SORCS3: variants seen among roughly 807,000 people sequenced by gnomAD.
The protein encoded by SORCS3 is VPS10 domain-containing receptor SorCS3.
SORCS3 carries 57 observed loss-of-function variants against 146.3 expected under a neutral mutation model. The observed-to-expected ratio is 0.39, with a 90% CI of 0.31 to 0.49. The LOEUF (loss-of-function observed/expected upper bound fraction) is 0.49. SORCS3 is among the 20% of genes least tolerant of loss of function. SORCS3 has a pLI of 0.92. For missense variants in SORCS3, 1,341 were observed against 1,575.5 expected (o/e 0.85, Z 2.52); for synonymous variants, 653 against 618.5 (o/e 1.06, Z -0.83).
intron 5 of SORCS3, among the ~76,000 whole-genome samples, chr10:105,076,436 C>T (rs1038614481): frequency 1.3e-5 from 2 of 152,148 alleles, no homozygotes; most frequent in East Asian, 3.9e-4. Context: ...TTTAAGTCGT[C>T]TCTATGGCCT....
intron 1 of SORCS3, among the ~76,000 whole-genome samples, chr10:104,728,026 TCTA>T (rs2016661267): frequency 2.0e-4 from 5 of 25,580 alleles, no homozygotes; most frequent in South Asian, 9.2e-4. Context: ...AACAGTTCTA[TCTA>T]TCTATCTATC....
intron 2 of SORCS3, among the ~76,000 whole-genome samples, chr10:104,909,382 A>G (rs2133595639): frequency 6.6e-6 from 1 of 152,290 alleles, no homozygotes; most frequent in Admixed American, 6.5e-5. Context: ...ATGGCAACGC[A>G]GAAGTTGCTG....
At chr10:105,163,727 G>A (rs1002684234) in intron 11 of SORCS3, among the ~76,000 whole-genome samples, 1 of 152,168 alleles carries the variant, frequency 6.6e-6, no homozygotes, top group Non-Finnish European at 1.5e-5. Flanking sequence ...TTGCTGCCAT[G>A]CTTGATGGCC....
chr10:105,140,661 G>T (rs1169046211), intron 8 of SORCS3, among the ~76,000 whole-genome samples: 1 of 152,170 alleles, frequency 6.6e-6, no homozygotes, highest in Non-Finnish European at 1.5e-5. Flanking sequence ...GAAGCTGATA[G>T]AAAATATATG....
At chr10:104,648,169 G>A (rs1053546367) in intron 1 of SORCS3, among the ~76,000 whole-genome samples, 1 of 152,194 alleles carries the variant, frequency 6.6e-6, no homozygotes, top group Admixed American at 6.5e-5. Context: ...GGATCCCTGT[G>A]GGACATACTA....
At chr10:105,192,942 A>G (rs1306968466) in intron 14 of SORCS3, among the ~76,000 whole-genome samples, 1 of 152,236 alleles carries the variant, frequency 6.6e-6, no homozygotes, top group Non-Finnish European at 1.5e-5. Flanking sequence ...TACAGAGCCT[A>G]GTCCTCTAAT....
At chr10:104,669,077 T>A (rs1288505893) in intron 1 of SORCS3, among the ~76,000 whole-genome samples, 1 of 152,106 alleles carries the variant, frequency 6.6e-6, no homozygotes, top group Admixed American at 6.5e-5. Flanking sequence ...TCTGTGACTT[T>A]AGGAAGTCAG....
chr10:105,178,485 CT>C (rs2056422463), intron 14 of SORCS3, among the ~76,000 whole-genome samples: 1 of 151,972 alleles, frequency 6.6e-6, no homozygotes, highest in Non-Finnish European at 1.5e-5. Context: ...GTTTTTTTCT[CT>C]TTCCAAAACA....
intron 1 of SORCS3, among the ~76,000 whole-genome samples, chr10:104,752,279 G>T (rs1320723042): frequency 6.6e-6 from 1 of 151,564 alleles, no homozygotes; most frequent in African/African-American, 2.4e-5. Flanking sequence ...CAAGTGATTC[G>T]CCTGCCTCAG....
At chr10:105,232,694 G>T (rs139858996) in intron 20 of SORCS3, among the ~76,000 whole-genome samples, 1,510 of 149,988 alleles carry the variant, frequency 0.01, 12 homozygotes, top group Non-Finnish European at 0.014. Context: ...TACTGCTTTT[G>T]CTGCATCCCA....
chr10:105,167,494 TAC>T (rs1224637777), intron 13 of SORCS3, 145 bp downstream of exon 13: 1 of 616,396 alleles, frequency 1.6e-6, no homozygotes, highest in Non-Finnish European at 2.8e-6. Context: ...TAATAGCCTT[TAC>T]ATCATCTAAC....
chr10:105,192,532 G>A (rs1041599651), intron 14 of SORCS3, among the ~76,000 whole-genome samples: 8 of 152,124 alleles, frequency 5.3e-5, no homozygotes, highest in African/African-American at 1.7e-4. Context: ...GGGACAGTTG[G>A]TGGTTAGAAG....
chr10:104,730,472 C>T (rs1178669607), intron 1 of SORCS3, among the ~76,000 whole-genome samples: 1 of 152,202 alleles, frequency 6.6e-6, no homozygotes, highest in East Asian at 1.9e-4. Flanking sequence ...TTCCTAGGAG[C>T]TGTCAGTGTA....
chr10:105,207,911 C>T (rs1298731874), intron 16 of SORCS3, among the ~76,000 whole-genome samples: 3 of 152,112 alleles, frequency 2.0e-5, no homozygotes, highest in African/African-American at 7.2e-5. Flanking sequence ...GAGCACCCTT[C>T]CTTCATAGAT....
chr10:104,721,624 C>T (rs1228745110), intron 1 of SORCS3, among the ~76,000 whole-genome samples: 6 of 152,066 alleles, frequency 3.9e-5, no homozygotes, highest in African/African-American at 9.7e-5. Context: ...GAATGTTCTT[C>T]CATTTGTTTG....
intron 19 of SORCS3, among the ~76,000 whole-genome samples, chr10:105,222,250 G>C (rs1289359502): frequency 6.6e-6 from 1 of 151,754 alleles, no homozygotes; most frequent in Non-Finnish European, 1.5e-5. Context: ...GTGAAGACAG[G>C]GTTTCACCAT....
At chr10:104,823,712 C>T (rs961847227) in intron 1 of SORCS3, among the ~76,000 whole-genome samples, 2 of 152,166 alleles carry the variant, frequency 1.3e-5, no homozygotes, top group Non-Finnish European at 2.9e-5. Flanking sequence ...GTGTAGTTGG[C>T]AGAATAGTGG....
intron 1 of SORCS3, among the ~76,000 whole-genome samples, chr10:104,813,989 G>A (rs968636826): frequency 1.5e-5 from 2 of 134,048 alleles, no homozygotes; most frequent in Non-Finnish European, 3.2e-5. Context: ...GAAGACTTAT[G>A]TTTTTTTCCC....
chr10:105,083,034 C>T (rs1024947955), intron 5 of SORCS3, among the ~76,000 whole-genome samples: 8 of 152,080 alleles, frequency 5.3e-5, no homozygotes, highest in African/African-American at 1.9e-4. Flanking sequence ...CCACCACGCC[C>T]GGCCTATGAA....
Sources: allele counts gnomAD v4.1 joint callset (sites outside exome capture counted in the v4.1 genomes callset), GRCh38; gene constraint gnomAD v4.1.1; transcripts MANE v1.5; gene names NCBI Gene and HGNC (gene_info 2026-07-23, HGNC 2026-07-21).